XPO7: variants seen among roughly 807,000 people sequenced by gnomAD.
XPO7 encodes exportin 7, also known as exportin-7.
A neutral mutation model predicts 144.3 loss-of-function variants in XPO7; 21 were observed. That is an observed-to-expected ratio of 0.15 (90% CI 0.10 to 0.21). The LOEUF (loss-of-function observed/expected upper bound fraction) is 0.21, where lower values mean the gene tolerates loss of function less well. XPO7 is among the 10% of genes least tolerant of loss of function. The pLI is 1.00. For missense variants in XPO7, 808 were observed against 1,325.8 expected (o/e 0.61, Z 6.06); for synonymous variants, 580 against 499.6 (o/e 1.16, Z -2.15).
intron 1 of XPO7, among the ~76,000 whole-genome samples, chr8:21,962,427 T>C (rs1298030315): frequency 1.3e-5 from 2 of 152,218 alleles, no homozygotes; most frequent in Non-Finnish European, 2.9e-5. Flanking sequence ...TTGTGAATAG[T>C]TTTTTGTCTG....
intron 3 of XPO7, 52 bp from the exon 4 acceptor site, chr8:21,970,092 G>A (rs1282113613): frequency 1.3e-5 from 21 of 1,570,010 alleles, no homozygotes; most frequent in Non-Finnish European, 1.7e-5. Flanking sequence ...CCCTTCTCTG[G>A]CAGAGCTTTC....
intron 1 of XPO7, among the ~76,000 whole-genome samples, chr8:21,963,521 C>T (rs1430218652): frequency 6.6e-6 from 1 of 152,014 alleles, no homozygotes; most frequent in Non-Finnish European, 1.5e-5. Flanking sequence ...TGGTGAAACC[C>T]CGTCTCTACT....
chr8:21,940,456 A>G (rs988063300), intron 1 of XPO7, among the ~76,000 whole-genome samples: 2 of 147,712 alleles, frequency 1.4e-5, no homozygotes, highest in African/African-American at 2.5e-5. Flanking sequence ...CGGGATTACA[A>G]AAAGATACAT....
intron 1 of XPO7, among the ~76,000 whole-genome samples, chr8:21,955,235 T>C (rs1039310348): frequency 3.3e-5 from 5 of 152,210 alleles, no homozygotes; most frequent in Non-Finnish European, 7.3e-5. Flanking sequence ...TAAAAGGAAT[T>C]AAACAACTTT....
At chr8:21,922,426 C>G (rs80207740) in intron 1 of XPO7, among the ~76,000 whole-genome samples, 18,507 of 152,144 alleles carry the variant, frequency 0.12, 1,472 homozygotes, top group East Asian at 0.35. Flanking sequence ...GTTTCTTACT[C>G]TTGGTCTTAG....
At chr8:21,981,924 CT>C in intron 10 of XPO7, 47 bp downstream of exon 10, 1 of 1,603,570 alleles carries the variant, frequency 6.2e-7, no homozygotes, top group East Asian at 2.2e-5. Context: ...ACTGGAATCT[CT>C]TGCTTGTTGG....
At chr8:21,961,590 G>T (rs1384534968) in intron 1 of XPO7, among the ~76,000 whole-genome samples, 3 of 152,228 alleles carry the variant, frequency 2.0e-5, no homozygotes, top group African/African-American at 7.2e-5. Flanking sequence ...CAACATACGA[G>T]TTCTGGTTGT....
chr8:21,993,031 G>C (rs907188330), intron 19 of XPO7, among the ~76,000 whole-genome samples: 8 of 152,026 alleles, frequency 5.3e-5, no homozygotes, highest in East Asian at 3.9e-4. Flanking sequence ...AAATCAGCAG[G>C]GTAGACAGAA....
At chr8:21,934,888 G>T (rs1810772540) in intron 1 of XPO7, among the ~76,000 whole-genome samples, 1 of 152,198 alleles carries the variant, frequency 6.6e-6, no homozygotes, top group African/African-American at 2.4e-5. Context: ...ATTTTCAGTT[G>T]CAGGGACTCA....
intron 3 of XPO7, 72 bp downstream of exon 3, chr8:21,969,648 G>T: frequency 7.5e-7 from 1 of 1,335,778 alleles, no homozygotes; most frequent in Non-Finnish European, 1.1e-6. Context: ...ATAGTCAAAT[G>T]TACGTGTTTG....
chr8:21,952,139 A>G (rs1198237364), intron 1 of XPO7, among the ~76,000 whole-genome samples: 2 of 152,234 alleles, frequency 1.3e-5, no homozygotes, highest in East Asian at 1.9e-4. Context: ...TAAAATAACT[A>G]TAGTCATTTC....
intron 1 of XPO7, among the ~76,000 whole-genome samples, chr8:21,931,458 T>C (rs1026161503): frequency 6.6e-6 from 1 of 152,170 alleles, no homozygotes; most frequent in Non-Finnish European, 1.5e-5. Context: ...GCCTACCTTA[T>C]TTCTTATTAA....
At chr8:21,938,010 A>G (rs1423972574) in intron 1 of XPO7, among the ~76,000 whole-genome samples, 1 of 152,176 alleles carries the variant, frequency 6.6e-6, no homozygotes, top group Non-Finnish European at 1.5e-5. Flanking sequence ...TTCTGCATAT[A>G]TAACCCCCTT....
chr8:21,947,140 T>C (rs1811219349), intron 1 of XPO7, among the ~76,000 whole-genome samples: 1 of 152,322 alleles, frequency 6.6e-6, no homozygotes, highest in East Asian at 1.9e-4. Flanking sequence ...AAACATCGTA[T>C]GACATAATAG....
At chr8:21,930,304 GTGTGCCAGAT>G (rs1266465983) in intron 1 of XPO7, among the ~76,000 whole-genome samples, 5 of 152,180 alleles carry the variant, frequency 3.3e-5, no homozygotes, top group Non-Finnish European at 5.9e-5. Context: ...ATCATGTACT[GTGTGCCAGAT>G]TGTTAGGCAA....
chr8:21,974,833 G>T (rs1159207386), intron 6 of XPO7, 59 bp downstream of exon 6: 3 of 1,351,468 alleles, frequency 2.2e-6, no homozygotes, highest in Middle Eastern at 1.8e-4. Context: ...AGAATGGATG[G>T]GAACTTGTTA....
At chr8:21,999,436 G>A in intron 23 of XPO7, 100 bp from the exon 24 acceptor site, 1 of 1,576,138 alleles carries the variant, frequency 6.3e-7, no homozygotes, top group South Asian at 1.1e-5. Flanking sequence ...TAAGTCTTCT[G>A]TTTTCCCACC....
intron 21 of XPO7, among the ~76,000 whole-genome samples, chr8:21,998,434 C>G (rs1041788125): frequency 6.6e-6 from 1 of 151,726 alleles, no homozygotes; most frequent in Non-Finnish European, 1.5e-5. Context: ...GAGTAAGACT[C>G]CATCTCAAAA....
chr8:21,940,446 C>T (rs776424001), intron 1 of XPO7, among the ~76,000 whole-genome samples: 3 of 149,640 alleles, frequency 2.0e-5, no homozygotes, highest in Non-Finnish European at 3.0e-5. Context: ...CAGTGGCTCC[C>T]GGGATTACAA....
Sources: gnomAD v4.1 joint callset for allele counts (sites outside exome capture counted in the v4.1 genomes callset) on GRCh38, gnomAD v4.1.1 for gene constraint, MANE v1.5 for transcripts, NCBI Gene and HGNC (gene_info 2026-07-23, HGNC 2026-07-21) for gene names.